The following ROBO2 variants were observed in gnomAD, a reference collection of about 807,000 sequenced individuals.
The protein encoded by ROBO2 is roundabout homolog 2.
Under a neutral mutation model 160.8 loss-of-function variants are expected in ROBO2, and 53 were observed. The observed-to-expected ratio is 0.33, with a 90% confidence interval of 0.26 to 0.41. The LOEUF is 0.41. Ranked by LOEUF, ROBO2 falls within the 10% of genes least tolerant of loss-of-function variation. The pLI is 1.00. For missense variants in ROBO2, 1,577 were observed against 1,722.4 expected, an observed-to-expected ratio of 0.92 and a Z score of 1.49; for synonymous variants, 664 against 611.7, an observed-to-expected ratio of 1.09 and a Z score of -1.26.
At chr3:76,568,281 TTTTC>T (rs1249837183) in intron 2 of ROBO2, among the ~76,000 whole-genome samples, 2 of 151,954 alleles carry the variant, frequency 1.3e-5, no homozygotes, top group African/African-American at 4.8e-5. Flanking sequence ...TTCACACTGC[TTTTC>T]TTTTTTAATT....
At chr3:76,382,705 A>G (rs548054892) in intron 2 of ROBO2, among the ~76,000 whole-genome samples, 3 of 152,384 alleles carry the variant, frequency 2.0e-5, no homozygotes, top group African/African-American at 7.2e-5. Flanking sequence ...GGGAATGTCT[A>G]CATTGAATAG....
chr3:76,512,517 A>C (rs2081151939), intron 2 of ROBO2, among the ~76,000 whole-genome samples: 1 of 151,980 alleles, frequency 6.6e-6, no homozygotes, highest in African/African-American at 2.4e-5. Context: ...ACTGTTCTGC[A>C]CTTAGCTGTG....
chr3:77,321,246 G>A (rs2064662603), intron 2 of ROBO2, among the ~76,000 whole-genome samples: 1 of 152,158 alleles, frequency 6.6e-6, no homozygotes, highest in African/African-American at 2.4e-5. Flanking sequence ...GCTGGGCACA[G>A]TGGCTCATGC....
chr3:76,661,318 A>G (rs959950013), intron 2 of ROBO2, among the ~76,000 whole-genome samples: 2 of 152,216 alleles, frequency 1.3e-5, no homozygotes, highest in South Asian at 2.1e-4. Context: ...CTAGGTCACA[A>G]TCACTAGATT....
chr3:76,366,118 T>G lies in ROBO2; in HGVS notation c.109+428516T>G, dbSNP rs544682103. 2.6e-5 allele frequency among the ~76,000 whole-genome samples: 4 copies of G among 152,152 alleles called. No individual in the cohort carries two copies. In the East Asian group the frequency reaches 7.8e-4, roughly 30 times the overall value. On this transcript the variant is annotated intron_variant, in intron 2 of 26. Coordinates refer to the ROBO2 transcript ENST00000487694. ...AAGAAAATAGAATGTCATTGTTCCTTACTATTTCCTTAGTAGAGAATGTCT... is the reference window on the plus strand; with the variant it reads ...AAGAAAATAGAATGTCATTGTTCCTGACTATTTCCTTAGTAGAGAATGTCT...
At chr3:76,501,816 G>C (rs2080477018) in intron 2 of ROBO2, among the ~76,000 whole-genome samples, 1 of 152,094 alleles carries the variant, frequency 6.6e-6, no homozygotes, top group Non-Finnish European at 1.5e-5. Flanking sequence ...TATACTCAGT[G>C]GGGTGGGAGT....
chr3:77,633,016 A>G (rs2095197599), intron 23 of ROBO2: 1 of 164,488 alleles, frequency 6.1e-6, no homozygotes, highest in Admixed American at 6.1e-5. Context: ...AGTGATTAAA[A>G]TTACTCAGCT....
At chr3:76,435,047 A>G (rs1272517757) in intron 2 of ROBO2, 2 of 1,215,772 alleles carry the variant, frequency 1.6e-6, no homozygotes, top group East Asian at 4.7e-5. Flanking sequence ...AGCTGAAACA[A>G]ATGGCTTACA....
At chr3:76,965,644 C>T (rs2080008194) in intron 2 of ROBO2, among the ~76,000 whole-genome samples, 1 of 148,136 alleles carries the variant, frequency 6.8e-6, no homozygotes, top group African/African-American at 2.5e-5. Context: ...TCTCTGTCTT[C>T]TAGTTCTCAT....
chr3:76,406,737 T>C (rs1341237327), intron 2 of ROBO2, among the ~76,000 whole-genome samples: 3 of 151,960 alleles, frequency 2.0e-5, no homozygotes, highest in African/African-American at 7.2e-5. Flanking sequence ...AAATTTATGG[T>C]CCAAAAGTGA....
chr3:76,933,870 G>T (rs2149069546), intron 2 of ROBO2, among the ~76,000 whole-genome samples: 1 of 152,228 alleles, frequency 6.6e-6, no homozygotes, highest in South Asian at 2.1e-4. Context: ...GCTATCATTT[G>T]TGTCTCTATC....
At position 77,134,523 on chromosome 3, in the gene ROBO2, GT is replaced by G. The variant is rs1028108590; in HGVS notation, c.388+36189del. ...AGGATAAAGGTTAACTTAGGATTGG[GT>G]TTTTTCAAGAAGTTTCCAGTGTTGG... On this transcript the variant is annotated intron_variant, in intron 2 of 25. Coordinates refer to ENST00000461745, the Ensembl canonical transcript of ROBO2. 3.3e-5 allele frequency among the ~76,000 whole-genome samples: 5 copies of G among 152,252 alleles called. No individual in the cohort carries two copies. The South Asian group carries it at 1.0e-3, about 32-fold the overall frequency.
chr3:77,116,791 T>C (rs2074251996), intron 2 of ROBO2, among the ~76,000 whole-genome samples: 1 of 152,188 alleles, frequency 6.6e-6, no homozygotes, highest in African/African-American at 2.4e-5. Flanking sequence ...GGGCAGCCTT[T>C]GGTAAGTTGA....
chr3:77,361,619 C>A (rs1298675912), intron 2 of ROBO2, among the ~76,000 whole-genome samples: 2 of 152,050 alleles, frequency 1.3e-5, no homozygotes, highest in Non-Finnish European at 1.5e-5. Context: ...TCTATATTTC[C>A]TCACATAGTG....
chr3:76,520,144 C>A (rs1157648452), intron 2 of ROBO2, among the ~76,000 whole-genome samples: 1 of 152,108 alleles, frequency 6.6e-6, no homozygotes, highest in Non-Finnish European at 1.5e-5. Flanking sequence ...CATCATTGGT[C>A]CTCATCGCAT....
chr3:76,643,187 AACTT>A (rs371222795), intron 2 of ROBO2, among the ~76,000 whole-genome samples: 3 of 152,180 alleles, frequency 2.0e-5, no homozygotes, highest in African/African-American at 7.2e-5. Flanking sequence ...AATCAGAAAT[AACTT>A]AGTAAAAAAA....
chr3:75,950,851 C>T (rs1948508692), intron 2 of ROBO2, among the ~76,000 whole-genome samples: 1 of 152,042 alleles, frequency 6.6e-6, no homozygotes, highest in South Asian at 2.1e-4. Flanking sequence ...GGCGTCCTGT[C>T]CAGGGCTGGT....
chr3:76,273,064 AAT>A (rs1306947512), intron 2 of ROBO2, among the ~76,000 whole-genome samples: 6 of 108,536 alleles, frequency 5.5e-5, no homozygotes, highest in East Asian at 2.4e-4. Flanking sequence ...ATATATAAAA[AAT>A]ATATATAAAT....
intron 2 of ROBO2, among the ~76,000 whole-genome samples, chr3:76,234,607 T>C (rs1704825341): frequency 6.6e-6 from 1 of 152,166 alleles, no homozygotes; most frequent in Non-Finnish European, 1.5e-5. Context: ...CTCATTGTGG[T>C]TTTGATTTGT....
Sources: allele counts gnomAD v4.1 joint callset (sites outside exome capture counted in the v4.1 genomes callset), GRCh38; gene constraint gnomAD v4.1.1; transcripts MANE v1.5; gene names NCBI Gene and HGNC (gene_info 2026-07-23, HGNC 2026-07-21).